The following CTNNA3 variants were observed in gnomAD, a reference collection of about 807,000 sequenced individuals.
CTNNA3 encodes catenin alpha 3, also known as catenin alpha-3.
CTNNA3 carries 76 observed loss-of-function variants against 95.7 expected under a neutral mutation model. The observed-to-expected ratio is 0.79, with a 90% CI of 0.66 to 0.96. The LOEUF is 0.96. Among genes scored for constraint, CTNNA3 ranks in the 40% least tolerant of loss-of-function variants. The probability of loss-of-function intolerance (pLI) is 0.00; values close to 1 mark genes in which losing one functional copy is unlikely to be tolerated. For missense variants in CTNNA3, 1,191 were observed against 1,089.8 expected (o/e 1.09, Z -1.31); for synonymous variants, 431 against 374.4 (o/e 1.15, Z -1.74).
chr10:66,868,653 A>AG (rs1368409624), intron 7 of CTNNA3, among the ~76,000 whole-genome samples: 1 of 151,810 alleles, frequency 6.6e-6, no homozygotes, highest in Non-Finnish European at 1.5e-5. Flanking sequence ...CAGGAGGCTG[A>AG]GGCAGGAGAA....
intron 10 of CTNNA3, among the ~76,000 whole-genome samples, chr10:66,599,747 C>T (rs1564559722): frequency 6.6e-6 from 1 of 151,850 alleles, no homozygotes; most frequent in Non-Finnish European, 1.5e-5. Context: ...CTGTTCACCA[C>T]AGTTCCTTCC....
At chr10:67,417,310 G>A (rs533308327) in intron 5 of CTNNA3, among the ~76,000 whole-genome samples, 1 of 152,210 alleles carries the variant, frequency 6.6e-6, no homozygotes, top group East Asian at 1.9e-4. Flanking sequence ...TGGAAGGCAG[G>A]GGATATTGGG....
At chr10:67,703,435 G>A (rs2133605102) in intron 1 of CTNNA3, among the ~76,000 whole-genome samples, 1 of 152,164 alleles carries the variant, frequency 6.6e-6, no homozygotes, top group South Asian at 2.1e-4. Flanking sequence ...CCATGATCAA[G>A]TGGGCTTCAT....
chr10:67,678,122 G>GA lies in CTNNA3; in HGVS notation c.-6+17877dup, dbSNP rs1232235470. Among the ~76,000 whole-genome samples, 9 of 151,778 alleles carry GA rather than the reference G, an allele frequency of 5.9e-5. No homozygotes were observed. The East Asian group carries it at 1.5e-3, about 26-fold the overall frequency. ...AATCTTATGTATTTCAAAAATAACA[G>GA]AAAAAAACAAAATTTAAAAATCGTG... On this transcript the variant is annotated intron_variant, in intron 1 of 17. Coordinates refer to ENST00000433211, the MANE Select transcript of CTNNA3 (RefSeq NM_013266.4).
chr10:66,362,096 A>ATTTTTTTTT (rs569047811), intron 12 of CTNNA3, among the ~76,000 whole-genome samples: 1 of 81,772 alleles, frequency 1.2e-5, no homozygotes, highest in Non-Finnish European at 2.4e-5. Context: ...TTCATACACA[A>ATTTTTTTTT]TTTTTTTTTT....
rs566961266 is a variant in CTNNA3, at chr10:66,000,110, AT to A, written c.2160-11314del. Reference sequence around the variant, plus strand: ...GTAATAAAGATAATTTTAAAACATTATGGGTTAGAAAGTATAATGAAAAAGG... The same window carrying A: ...GTAATAAAGATAATTTTAAAACATTAGGGTTAGAAAGTATAATGAAAAAGG... On this transcript the variant is annotated intron_variant, in intron 15 of 17. Coordinates refer to ENST00000433211, the MANE Select transcript of CTNNA3 (RefSeq NM_013266.4). Among the ~76,000 whole-genome samples, 173 of 152,312 alleles carry A rather than the reference AT, an allele frequency of 1.1e-3. 1 individual carries two copies. Among genetic ancestry groups the A allele is most frequent in the African/African-American group, 4.0e-3 (166 of 41,566 alleles).
chr10:67,295,059 C>T (rs920031422), intron 5 of CTNNA3, among the ~76,000 whole-genome samples: 3 of 152,170 alleles, frequency 2.0e-5, no homozygotes, highest in African/African-American at 7.2e-5. Flanking sequence ...ATACTAAAAA[C>T]ACATCCTGCC....
At chr10:67,738,064 C>T (rs532219905) in intron 1 of CTNNA3, among the ~76,000 whole-genome samples, 1 of 152,294 alleles carries the variant, frequency 6.6e-6, no homozygotes, top group South Asian at 2.1e-4. Flanking sequence ...ATGAAGAAAA[C>T]CGAGGCAACT....
chr10:66,465,822 C>T (rs754136518), intron 11 of CTNNA3, among the ~76,000 whole-genome samples: 2 of 152,072 alleles, frequency 1.3e-5, no homozygotes, highest in Non-Finnish European at 2.9e-5. Flanking sequence ...AGGGATCCCA[C>T]AGAATTGTGA....
At chr10:66,902,848 T>A (rs1238756067) in intron 7 of CTNNA3, among the ~76,000 whole-genome samples, 1 of 152,152 alleles carries the variant, frequency 6.6e-6, no homozygotes, top group Non-Finnish European at 1.5e-5. Flanking sequence ...AATCTCTGAA[T>A]AGACCAATAA....
chr10:67,465,530 T>C (rs1847557716), intron 5 of CTNNA3, among the ~76,000 whole-genome samples: 1 of 152,000 alleles, frequency 6.6e-6, no homozygotes, highest in Non-Finnish European at 1.5e-5. Flanking sequence ...AGCAAATAAA[T>C]AATAGAGGTT....
At chr10:67,581,271 G>A (rs1842384883) in intron 3 of CTNNA3, among the ~76,000 whole-genome samples, 1 of 152,120 alleles carries the variant, frequency 6.6e-6, no homozygotes, top group Non-Finnish European at 1.5e-5. Flanking sequence ...AGCATGAAGG[G>A]CTGTTGAATT....
At chr10:66,099,640 A>T (rs942653142) in intron 14 of CTNNA3, among the ~76,000 whole-genome samples, 9 of 152,268 alleles carry the variant, frequency 5.9e-5, no homozygotes, top group Middle Eastern at 3.4e-3. Context: ...TAAACTCACA[A>T]GGCAGATATA....
At chr10:67,514,649 T>C (rs1339524946) in intron 5 of CTNNA3, among the ~76,000 whole-genome samples, 1 of 152,072 alleles carries the variant, frequency 6.6e-6, no homozygotes, top group Non-Finnish European at 1.5e-5. Flanking sequence ...AAGCACCATA[T>C]TGATGCAAAC....
intron 5 of CTNNA3, among the ~76,000 whole-genome samples, chr10:67,362,708 C>T (rs1843033781): frequency 6.6e-6 from 1 of 151,780 alleles, no homozygotes; most frequent in African/African-American, 2.4e-5. Flanking sequence ...GAAAAAGATG[C>T]CCACTCTCAC....
rs149209711 is a variant in CTNNA3 at position 65,914,452 on chromosome 10, A to G, written c.*5878T>C. The G allele has an allele frequency of 2.3e-4, 35 of 152,182 alleles. 1 individual carries two copies. The highest frequency in any genetic ancestry group is 8.0e-4 in the African/African-American group (33 of 41,446). The allele number at this position is 152,182 out of a possible 1,614,324, so 9.4% of individuals were successfully genotyped here. On this transcript the variant is annotated 3_prime_UTR_variant, in exon 18 of 18. Transcript: ENST00000433211. ...AGTCTAGCCTTCAGTCGACTCTAAA[A>G]AAGGCCATGTAATTTTAAAACACAA...
At chr10:66,944,945 A>G (rs1356872639) in intron 7 of CTNNA3, among the ~76,000 whole-genome samples, 1 of 152,180 alleles carries the variant, frequency 6.6e-6, no homozygotes, top group Non-Finnish European at 1.5e-5. Context: ...AAACCATGCT[A>G]TAAACACATG....
At chr10:66,724,098 T>C (rs1848710156) in intron 9 of CTNNA3, among the ~76,000 whole-genome samples, 1 of 152,168 alleles carries the variant, frequency 6.6e-6, no homozygotes. Context: ...AAGTGCTCTC[T>C]GACAACAATG....
chr10:66,057,523 C>T (rs1312840543), intron 15 of CTNNA3, among the ~76,000 whole-genome samples: 2 of 152,136 alleles, frequency 1.3e-5, no homozygotes, highest in Non-Finnish European at 1.5e-5. Context: ...ACATTTTTAT[C>T]ATGTAAAAGT....
Sources: allele counts gnomAD v4.1 joint callset (sites outside exome capture counted in the v4.1 genomes callset), GRCh38; gene constraint gnomAD v4.1.1; transcripts MANE v1.5; gene names NCBI Gene and HGNC (gene_info 2026-07-23, HGNC 2026-07-21).